SND1: variants seen among roughly 807,000 people sequenced by gnomAD.
SND1 encodes the protein staphylococcal nuclease and tudor domain containing 1.
SND1 carries 38 observed loss-of-function variants against 121.7 expected under a neutral mutation model. The ratio of observed to expected loss-of-function variants is 0.31; its 90% CI spans 0.24 to 0.41. SND1 has a LOEUF of 0.41. Among genes scored for constraint, SND1 ranks in the 10% least tolerant of loss-of-function variants. The pLI is 1.00. For missense variants in SND1, 868 were observed against 1,184.6 expected (o/e 0.73, Z 3.92); for synonymous variants, 401 against 447.4 (o/e 0.90, Z 1.31).
At position 128,085,599 on chromosome 7, in the gene SND1, C is replaced by G. The variant is rs1463587353; in HGVS notation, c.2235-112C>G. On this transcript the variant is annotated intron_variant, in intron 19 of 23. Transcript: ENST00000354725. This position sits in a 1 kb window ranked among gnomAD's most constrained non-coding sequence, Gnocchi z 4.4. ...GTGCAGTTACTGTCCCCTGTGACACCCGTTGAACCCAGGCAGGGAAATGCT... is the reference window on the plus strand; with the variant it reads ...GTGCAGTTACTGTCCCCTGTGACACGCGTTGAACCCAGGCAGGGAAATGCT... 6 of 897,576 alleles carry G rather than the reference C, an allele frequency of 6.7e-6. No individual in the cohort carries two copies. The highest frequency in any genetic ancestry group is 1.1e-5 in the Non-Finnish European group (6 of 552,210). The allele number at this position is 897,576 out of a possible 1,614,324, so 55.6% of individuals were successfully genotyped here.
chr7:127,828,440 G>A (rs1279671885), intron 11 of SND1, among the ~76,000 whole-genome samples: 1 of 152,026 alleles, frequency 6.6e-6, no homozygotes, highest in Non-Finnish European at 1.5e-5. Flanking sequence ...CATTTAGAGT[G>A]ATTTCTGTGA....
intron 16 of SND1, among the ~76,000 whole-genome samples, chr7:128,054,145 G>A (rs1002923287): frequency 3.3e-5 from 5 of 152,160 alleles, no homozygotes; most frequent in Non-Finnish European, 2.9e-5. Flanking sequence ...ATGGAGTGGC[G>A]GTGGCATGTA....
At chr7:127,681,339 G>A (rs1433503183) in intron 1 of SND1, among the ~76,000 whole-genome samples, 1 of 152,016 alleles carries the variant, frequency 6.6e-6, no homozygotes, top group Admixed American at 6.6e-5. Context: ...TTGGGCTATT[G>A]TCTTCTTATC....
At chr7:127,806,489 G>A (rs912974901) in intron 10 of SND1, among the ~76,000 whole-genome samples, 2 of 151,936 alleles carry the variant, frequency 1.3e-5, no homozygotes, top group African/African-American at 4.8e-5. Flanking sequence ...CTCTTCTTTT[G>A]GTTTTTCTGT....
At chr7:128,046,567 T>C (rs1394071033) in intron 16 of SND1, among the ~76,000 whole-genome samples, 2 of 151,952 alleles carry the variant, frequency 1.3e-5, no homozygotes, top group Non-Finnish European at 2.9e-5. Context: ...TGTCAGCATG[T>C]TGGCCAGGCT....
In SND1 at chr7:128,029,512, G is replaced by T. The variant is rs773014029; in HGVS notation, c.1779+38456G>T. ...AACCACTTCACGGAGGACATAGGGG[G>T]AGTCCGACACTTAAGTTCTGCCATC... On this transcript the variant is annotated intron_variant, in intron 16 of 23. Coordinates refer to ENST00000354725, the MANE Select transcript of SND1 (RefSeq NM_014390.4). The surrounding 1 kb of genome is among the most constrained non-coding windows in gnomAD (Gnocchi z 4.2). 1 of 1,614,078 alleles carries T rather than the reference G, an allele frequency of 6.2e-7. No homozygotes were observed. The highest frequency in any genetic ancestry group is 1.1e-5 in the South Asian group (1 of 91,070).
chr7:127,858,273 G>A (rs1241287130), intron 12 of SND1: 14 of 815,108 alleles, frequency 1.7e-5, no homozygotes, highest in Admixed American at 8.0e-5. Flanking sequence ...TCGGAGAGCC[G>A]GTCCGGGCAC....
chr7:128,088,367 G>A (rs1263729359), intron 21 of SND1, among the ~76,000 whole-genome samples: 3 of 151,234 alleles, frequency 2.0e-5, no homozygotes, highest in Non-Finnish European at 4.4e-5. Context: ...AGACTGCGGT[G>A]AGAGGATCGC....
At chr7:127,868,271 G>A (rs777533734) in intron 12 of SND1, among the ~76,000 whole-genome samples, 5 of 151,968 alleles carry the variant, frequency 3.3e-5, no homozygotes, top group Non-Finnish European at 5.9e-5. Context: ...TATAGTCCCA[G>A]GTACTCAGGA....
At chr7:127,840,887 C>T (rs2116641386) in intron 11 of SND1, among the ~76,000 whole-genome samples, 1 of 152,290 alleles carries the variant, frequency 6.6e-6, no homozygotes, top group African/African-American at 2.4e-5. Flanking sequence ...ACTGTTTAAT[C>T]TCTGACTTAT....
At chr7:127,653,885 G>A (rs936510709) in intron 1 of SND1, among the ~76,000 whole-genome samples, 1 of 152,132 alleles carries the variant, frequency 6.6e-6, no homozygotes, top group Admixed American at 6.5e-5. Flanking sequence ...TCCAAGATCC[G>A]CATATATTTT....
chr7:127,975,784 CT>C (rs1030237136), intron 15 of SND1, among the ~76,000 whole-genome samples: 1 of 152,208 alleles, frequency 6.6e-6, no homozygotes, highest in Admixed American at 6.5e-5. Flanking sequence ...AGACTTTCTT[CT>C]GTGCGCTGTA....
rs571916645 is a variant in SND1 at position 127,733,315 on chromosome 7, A to G, written c.1152+11915A>G. 3.3e-5 allele frequency among the ~76,000 whole-genome samples: 5 copies of G among 152,334 alleles called. 1 individual carries two copies. In the South Asian group the frequency reaches 1.0e-3, roughly 32 times the overall value. On this transcript the variant is annotated intron_variant, in intron 10 of 23. Transcript: ENST00000354725. ...TATTTGAGGTTACTGATCTTAATGCAGTAGAGGACTGGGAAGATGTAAAAT... is the reference window on the plus strand; with the variant it reads ...TATTTGAGGTTACTGATCTTAATGCGGTAGAGGACTGGGAAGATGTAAAAT...
chr7:127,904,696 C>CT (rs1238894521), intron 13 of SND1, 51 bp from the exon 14 acceptor site: 2 of 1,283,378 alleles, frequency 1.6e-6, no homozygotes, highest in Middle Eastern at 1.8e-4. Flanking sequence ...CCTCCTACCC[C>CT]TTCCCATTGT....
Position 127,807,485 on chromosome 7 carries a change from A to G in SND1, c.1154A>G (p.Asp385Gly). The change falls in exon 11 of 24, where the codon GAT becomes GGT. Residue 385 changes from aspartate to glycine, a missense_variant and splice_region_variant. Transcript: ENST00000354725. ...PPRLEGENTQ[D>G]KNKKLRPLYD... The stretch of plus-strand genomic sequence containing the variant: ...TGTCATGTTTTATTTTACTTTTAGG[A>G]TAAGAACAAGAAACTGCGTCCCCTG... 6.2e-7 allele frequency: 1 copy of G among 1,612,550 alleles called. No individual in the cohort carries two copies. The highest frequency in any genetic ancestry group is 1.3e-5 in the African/African-American group (1 of 74,984).
intron 14 of SND1, among the ~76,000 whole-genome samples, chr7:127,909,333 G>A (rs1381917131): frequency 1.3e-5 from 2 of 152,024 alleles, no homozygotes; most frequent in African/African-American, 4.8e-5. Flanking sequence ...AACTGCTGCT[G>A]TGCTCCTTTG....
At chr7:128,060,001 C>G (rs1793205234) in intron 16 of SND1, among the ~76,000 whole-genome samples, 1 of 152,164 alleles carries the variant, frequency 6.6e-6, no homozygotes, top group Non-Finnish European at 1.5e-5. Context: ...GGATATAGGA[C>G]AAGATGAATG....
intron 10 of SND1, among the ~76,000 whole-genome samples, chr7:127,770,816 A>G (rs1419878094): frequency 6.6e-6 from 1 of 152,188 alleles, no homozygotes; most frequent in African/African-American, 2.4e-5. Context: ...TTGCTTCTAT[A>G]TGCTTATTGC....
At chr7:127,991,131 G>T in intron 16 of SND1, 75 bp downstream of exon 16, 2 of 1,013,450 alleles carry the variant, frequency 2.0e-6, no homozygotes, top group Non-Finnish European at 3.0e-6. Flanking sequence ...CCATGTCAGA[G>T]ATCAGTCTGT....
Sources: allele counts gnomAD v4.1 joint callset (sites outside exome capture counted in the v4.1 genomes callset), GRCh38; gene constraint gnomAD v4.1.1; non-coding constraint Gnocchi (gnomAD v3.1); transcripts MANE v1.5; gene names NCBI Gene and HGNC (gene_info 2026-07-23, HGNC 2026-07-21).